NME8: variants seen among roughly 807,000 people sequenced by gnomAD.
NME8 encodes NME/NM23 family member 8.
Under a neutral mutation model 82.3 loss-of-function variants are expected in NME8, and 72 were observed. The observed-to-expected ratio is 0.87, with a 90% confidence interval of 0.72 to 1.06. NME8 has a LOEUF of 1.06. Among genes scored for constraint, NME8 ranks in the 50% least tolerant of loss-of-function variants. The probability of loss-of-function intolerance (pLI) is 0.00; values close to 1 mark genes in which losing one functional copy is unlikely to be tolerated. For missense variants in NME8, 712 were observed against 685.4 expected (o/e 1.04, Z -0.43); for synonymous variants, 267 against 228.5 (o/e 1.17, Z -1.52).
At position 37,853,508 on chromosome 7, in the gene NME8, A is replaced by T. The variant is rs145742494; in HGVS notation, c.198+2773A>T. Among the ~76,000 whole-genome samples the T allele has an allele frequency of 3.5e-3, 536 of 152,298 alleles. 5 individuals are homozygous for T. Among genetic ancestry groups the T allele is most frequent in the African/African-American group, 0.013 (520 of 41,558 alleles). ...TTAAAATACAGTATCACAAGTGTCT[A>T]ACAGCTGACAGATGGATCACAGGGA... On this transcript the variant is annotated intron_variant, in intron 5 of 17. Coordinates refer to ENST00000199447, the MANE Select transcript of NME8 (RefSeq NM_016616.5).
At chr7:37,889,055 A>G (rs1341109838) in intron 15 of NME8, among the ~76,000 whole-genome samples, 1 of 151,994 alleles carries the variant, frequency 6.6e-6, no homozygotes, top group East Asian at 1.9e-4. Context: ...TCCTGTGAAA[A>G]TATCTGGGCC....
chr7:37,895,477 T>C (rs568261537), intron 16 of NME8, among the ~76,000 whole-genome samples: 173 of 152,278 alleles, frequency 1.1e-3, no homozygotes, highest in African/African-American at 4.0e-3. Flanking sequence ...AAAACTAGTG[T>C]TTCGCTGGGT....
intron 10 of NME8, among the ~76,000 whole-genome samples, chr7:37,866,395 T>C (rs2044833): frequency 0.98 from 149,066 of 152,184 alleles, 73,022 homozygotes; most frequent in East Asian, 1. Context: ...TCTCTGTTGG[T>C]CCCGGCTTCC....
At chr7:37,876,291 CAT>C (rs1365977236) in intron 11 of NME8, among the ~76,000 whole-genome samples, 1 of 151,372 alleles carries the variant, frequency 6.6e-6, no homozygotes, top group East Asian at 1.9e-4. Flanking sequence ...GAAACATAAA[CAT>C]ATATACAACC....
intron 11 of NME8, among the ~76,000 whole-genome samples, chr7:37,871,494 A>G (rs1784766782): frequency 6.6e-6 from 1 of 152,176 alleles, no homozygotes; most frequent in South Asian, 2.1e-4. Flanking sequence ...CATTAGCTAC[A>G]TTGCTCAGAG....
At chr7:37,856,951 A>T (rs1485070231) in intron 5 of NME8, among the ~76,000 whole-genome samples, 2 of 152,190 alleles carry the variant, frequency 1.3e-5, no homozygotes, top group Admixed American at 1.3e-4. Flanking sequence ...GATTTACAGC[A>T]AAAGGAAGTG....
intron 12 of NME8, among the ~76,000 whole-genome samples, chr7:37,880,433 A>C (rs1196276547): frequency 2.0e-5 from 3 of 152,284 alleles, no homozygotes; most frequent in Non-Finnish European, 4.4e-5. Flanking sequence ...TAATTATTTC[A>C]GCACCATTTG....
chr7:37,860,632 C>T (rs1374938436), intron 6 of NME8, among the ~76,000 whole-genome samples: 1 of 152,070 alleles, frequency 6.6e-6, no homozygotes, highest in Non-Finnish European at 1.5e-5. Flanking sequence ...AGAAAATTTC[C>T]TCTACACACA....
chr7:37,857,689 C>T (rs1452685190), intron 6 of NME8, among the ~76,000 whole-genome samples: 3 of 152,166 alleles, frequency 2.0e-5, no homozygotes, highest in Non-Finnish European at 4.4e-5. Flanking sequence ...TGGTTATAAA[C>T]ATTCATGCAT....
chr7:37,851,195 T>A (rs1784434263), intron 5 of NME8, among the ~76,000 whole-genome samples: 1 of 152,250 alleles, frequency 6.6e-6, no homozygotes, highest in Non-Finnish European at 1.5e-5. Context: ...CACATTTTAC[T>A]GAATTGTACT....
chr7:37,852,451 G>A (rs1784451434), intron 5 of NME8, among the ~76,000 whole-genome samples: 1 of 151,970 alleles, frequency 6.6e-6, no homozygotes, highest in African/African-American at 2.4e-5. Flanking sequence ...CTATATTATG[G>A]CATCATATAG....
chr7:37,899,683 T>C (rs1453444691), intron 17 of NME8, among the ~76,000 whole-genome samples: 1 of 152,140 alleles, frequency 6.6e-6, no homozygotes, highest in African/African-American at 2.4e-5. Flanking sequence ...GAACTTAAAA[T>C]AAAGTTGAAG....
At chr7:37,877,425 A>G (rs1271426691) in intron 12 of NME8, among the ~76,000 whole-genome samples, 2 of 152,178 alleles carry the variant, frequency 1.3e-5, no homozygotes, top group Non-Finnish European at 2.9e-5. Flanking sequence ...GCACATAAAG[A>G]GTTAGTTCTT....
intron 10 of NME8, among the ~76,000 whole-genome samples, chr7:37,866,008 T>G (rs1380490513): frequency 6.6e-6 from 1 of 152,060 alleles, no homozygotes; most frequent in Non-Finnish European, 1.5e-5. Context: ...CTAAGGGCCT[T>G]TCTCTCAGGC....
intron 5 of NME8, among the ~76,000 whole-genome samples, chr7:37,856,188 C>CT (rs1784508699): frequency 6.6e-6 from 1 of 152,084 alleles, no homozygotes; most frequent in South Asian, 2.1e-4. Context: ...AAAGCATTGC[C>CT]TTAGATTACA....
At position 37,891,145 on chromosome 7, in the gene NME8, A is replaced by G. The variant is rs188448070; in HGVS notation, c.1399+2717A>G. ...TTTTTGGGGTTTTTGTTTGTTTGCTATTGAGTTTAGTTCCTTATATATGCT... is the reference window on the plus strand; with the variant it reads ...TTTTTGGGGTTTTTGTTTGTTTGCTGTTGAGTTTAGTTCCTTATATATGCT... On this transcript the variant is annotated intron_variant, in intron 15 of 17. Transcript: ENST00000199447. Among the ~76,000 whole-genome samples the G allele has an allele frequency of 3.3e-5, 5 of 151,910 alleles. No individual in the cohort carries two copies. In the East Asian group the frequency reaches 9.7e-4, roughly 29 times the overall value.
intron 6 of NME8, among the ~76,000 whole-genome samples, chr7:37,859,625 A>G (rs1365672817): frequency 6.6e-6 from 1 of 152,078 alleles, no homozygotes. Flanking sequence ...TAAATCTCCA[A>G]TTCCCCCATC....
chr7:37,864,263 T>C (rs929638965), intron 8 of NME8, 85 bp from the exon 9 acceptor site: 1 of 1,469,760 alleles, frequency 6.8e-7, no homozygotes, highest in Non-Finnish European at 9.3e-7. Flanking sequence ...CATTAGAAAT[T>C]TACATTGCTA....
intron 15 of NME8, among the ~76,000 whole-genome samples, chr7:37,890,086 G>A (rs1460021352): frequency 6.6e-6 from 1 of 151,940 alleles, no homozygotes; most frequent in East Asian, 1.9e-4. Context: ...ATTCTGTATT[G>A]TTTGCTATCA....
Sources: gnomAD v4.1 joint callset for allele counts (sites outside exome capture counted in the v4.1 genomes callset) on GRCh38, gnomAD v4.1.1 for gene constraint, MANE v1.5 for transcripts, NCBI Gene and HGNC (gene_info 2026-07-23, HGNC 2026-07-21) for gene names.